Variants in SHANK2 observed in about 807,000 individuals in gnomAD.
SHANK2 encodes SH3 and multiple ankyrin repeat domains protein 2.
SHANK2 carries 43 observed loss-of-function variants against 133.7 expected under a neutral mutation model. That is an observed-to-expected ratio of 0.32 (90% CI 0.25 to 0.41). SHANK2 has a LOEUF of 0.41. Among genes scored for constraint, SHANK2 ranks in the 10% least tolerant of loss-of-function variants. The pLI is 1.00. For synonymous variants in SHANK2, 1,017 were observed against 952.8 expected (o/e 1.07, Z -1.24); for missense variants, 1,994 against 2,235.8 (o/e 0.89, Z 2.18).
At chr11:70,730,833 T>C (rs1325505348) in intron 14 of SHANK2, among the ~76,000 whole-genome samples, 1 of 151,072 alleles carries the variant, frequency 6.6e-6, no homozygotes, top group African/African-American at 2.4e-5. Flanking sequence ...TTTCTTTTTT[T>C]TTTTTTTTTT....
Position 71,147,356 on chromosome 11 carries a change from G to A in SHANK2, c.-12-18C>T. ...GCCTGTGTCTTCGAGGTGGGGAGAA[G>A]GAAGACAAAGAACGGGAGATGTGAA... On this transcript the variant is annotated intron_variant, in intron 2 of 25. Transcript: ENST00000601538. 6.5e-7 allele frequency: 1 copy of A among 1,534,380 alleles called. No individual in the cohort carries two copies.
At chr11:70,675,417 G>C (rs1404809331) in intron 15 of SHANK2, among the ~76,000 whole-genome samples, 2 of 152,220 alleles carry the variant, frequency 1.3e-5, no homozygotes, top group Non-Finnish European at 2.9e-5. Flanking sequence ...AAGCAGAGAG[G>C]TTGAGTGATT....
intron 17 of SHANK2, among the ~76,000 whole-genome samples, chr11:70,550,085 C>T (rs1396663541): frequency 6.6e-6 from 1 of 152,152 alleles, no homozygotes; most frequent in Non-Finnish European, 1.5e-5. Context: ...CAGCTCAGGC[C>T]TACCAGCTCC....
intron 25 of SHANK2, among the ~76,000 whole-genome samples, chr11:70,483,014 G>A (rs982375322): frequency 3.3e-5 from 5 of 152,194 alleles, no homozygotes; most frequent in East Asian, 1.9e-4. Flanking sequence ...TGGACTCCCC[G>A]AGTGGAGTGC....
intron 9 of SHANK2, among the ~76,000 whole-genome samples, chr11:71,058,080 G>A (rs1475642427): frequency 6.6e-6 from 1 of 150,506 alleles, no homozygotes; most frequent in African/African-American, 2.5e-5. Flanking sequence ...TTTTTTTGTA[G>A]AGACGAGGTC....
At chr11:71,118,742 C>G in intron 4 of SHANK2, 87 bp downstream of exon 4, 1 of 1,161,976 alleles carries the variant, frequency 8.6e-7, no homozygotes, top group South Asian at 1.7e-5. Flanking sequence ...TGGAATTGGT[C>G]TCGCCCCACC....
At position 70,599,499 on chromosome 11, in the gene SHANK2, C is replaced by T. The variant is rs1310278023; in HGVS notation, c.2061+60329G>A. Among the ~76,000 whole-genome samples the T allele has an allele frequency of 5.4e-5, 7 of 130,034 alleles. 1 individual carries two copies. Among genetic ancestry groups the T allele is most frequent in the Admixed American group, 4.1e-4 (5 of 12,314 alleles). The allele number at this position is 130,034 out of a possible 152,430, so 85.3% of individuals were successfully genotyped here. Reference sequence around the variant, plus strand: ...GCGGGCGCCTGTAGTCCCAGCTACTCGGGAGGCTGAGGCAGGAGAATGGCG... The same window carrying T: ...GCGGGCGCCTGTAGTCCCAGCTACTTGGGAGGCTGAGGCAGGAGAATGGCG... On this transcript the variant is annotated intron_variant, in intron 17 of 25. Coordinates refer to ENST00000601538, the MANE Select transcript of SHANK2 (RefSeq NM_012309.5).
chr11:71,240,162 G>A (rs1336586015), intron 1 of SHANK2, among the ~76,000 whole-genome samples: 3 of 152,138 alleles, frequency 2.0e-5, no homozygotes, highest in African/African-American at 7.2e-5. Flanking sequence ...GTCAGGATAG[G>A]GATTCTCGGA....
chr11:70,954,680 G>A (rs1205468058), intron 10 of SHANK2, among the ~76,000 whole-genome samples: 1 of 152,236 alleles, frequency 6.6e-6, no homozygotes, highest in East Asian at 1.9e-4. Context: ...ATACAACACA[G>A]AACCATTGCC....
In SHANK2 at chr11:70,937,816, A is replaced by C. The variant is rs371449778; in HGVS notation, c.1108-41249T>G. Among the ~76,000 whole-genome samples, 46 of 151,620 alleles carry C rather than the reference A, an allele frequency of 3.0e-4. 1 individual carries two copies. The East Asian group carries it at 5.3e-3, about 17-fold the overall frequency. On this transcript the variant is annotated intron_variant, in intron 10 of 25. Coordinates refer to ENST00000601538, the MANE Select transcript of SHANK2 (RefSeq NM_012309.5). ...GCTTATTGTTGAGGAACACAAATCCACTCAGATGGGCTCAGTCCCAGAGGC... is the reference window on the plus strand; with the variant it reads ...GCTTATTGTTGAGGAACACAAATCCCCTCAGATGGGCTCAGTCCCAGAGGC...
chr11:70,841,414 A>G (rs1422328560), intron 11 of SHANK2, among the ~76,000 whole-genome samples: 1 of 152,156 alleles, frequency 6.6e-6, no homozygotes, highest in Non-Finnish European at 1.5e-5. Context: ...CATTTTCCCC[A>G]TTACACAGCA....
intron 17 of SHANK2, among the ~76,000 whole-genome samples, chr11:70,612,062 G>A (rs550593483): frequency 7.2e-5 from 11 of 152,268 alleles, no homozygotes; most frequent in African/African-American, 2.2e-4. Flanking sequence ...GGCGGCGTCC[G>A]GGCGTGACAC....
At chr11:71,239,898 G>C (rs1300841260) in intron 1 of SHANK2, among the ~76,000 whole-genome samples, 1 of 152,174 alleles carries the variant, frequency 6.6e-6, no homozygotes, top group East Asian at 1.9e-4. Context: ...AAGCCCACCA[G>C]GCACAGGCTA....
Position 71,092,580 on chromosome 11 carries a change from C to A in SHANK2, c.754G>T (p.Glu252Ter), listed in dbSNP as rs1190088876. ...RNQVALKTLL[E>*]LGASPDYKDS... ...TTATAATCTGGGGATGCACCAAGCT[C>A]TAAAAGGGTCTAGGAAAAAAAAATT... Residue 252 changes from glutamate to a stop codon, truncating the protein, a stop_gained, in exon 8 of 26, where the codon GAG (glutamate) becomes TAG (stop). Coordinates refer to ENST00000601538, the MANE Select transcript of SHANK2 (RefSeq NM_012309.5). LOFTEE classifies it high-confidence loss of function. The A allele has an allele frequency of 2.6e-6, 4 of 1,551,554 alleles. No homozygotes were observed. Among genetic ancestry groups the A allele is most frequent in the Non-Finnish European group, 2.6e-6 (3 of 1,146,896 alleles).
intron 2 of SHANK2, among the ~76,000 whole-genome samples, chr11:71,199,357 G>A (rs11826919): frequency 0.015 from 2,284 of 152,344 alleles, 58 homozygotes; most frequent in African/African-American, 0.052. Flanking sequence ...GTCACTACCT[G>A]TAGGCAGCCA....
At chr11:71,136,250 G>C (rs10897640) in intron 3 of SHANK2, among the ~76,000 whole-genome samples, 20,541 of 152,058 alleles carry the variant, frequency 0.14, 3,722 homozygotes, top group African/African-American at 0.42. Flanking sequence ...TCAGCCTCAG[G>C]GTCCACCAAG....
chr11:70,934,947 C>T (rs1345306641), intron 10 of SHANK2, among the ~76,000 whole-genome samples: 1 of 152,178 alleles, frequency 6.6e-6, no homozygotes. Context: ...GAAGCATTCA[C>T]GGAGAGAAGG....
chr11:70,700,829 C>G (rs375631715), intron 14 of SHANK2, among the ~76,000 whole-genome samples: 9 of 152,176 alleles, frequency 5.9e-5, no homozygotes, highest in African/African-American at 2.2e-4. Flanking sequence ...GGGCCCAGCA[C>G]GTGGGTAGCT....
At chr11:70,788,170 G>A (rs1947710712) in intron 14 of SHANK2, among the ~76,000 whole-genome samples, 1 of 152,158 alleles carries the variant, frequency 6.6e-6, no homozygotes, top group African/African-American at 2.4e-5. Flanking sequence ...AGGTGTGACA[G>A]CCAAGAGGAC....
Sources: allele counts gnomAD v4.1 joint callset (sites outside exome capture counted in the v4.1 genomes callset), GRCh38; gene constraint gnomAD v4.1.1; transcripts MANE v1.5; gene names NCBI Gene and HGNC (gene_info 2026-07-23, HGNC 2026-07-21).